SIPA1L1: variants seen among roughly 807,000 people sequenced by gnomAD.
SIPA1L1 encodes the protein signal-induced proliferation-associated 1-like protein 1.
Under a neutral mutation model 162.7 loss-of-function variants are expected in SIPA1L1, and 26 were observed. The ratio of observed to expected loss-of-function variants is 0.16; its 90% CI spans 0.12 to 0.22. SIPA1L1 has a LOEUF of 0.22. SIPA1L1 is among the 10% of genes least tolerant of loss of function. SIPA1L1 has a pLI of 1.00. For synonymous variants in SIPA1L1, 829 were observed against 837.4 expected (o/e 0.99, Z 0.17); for missense variants, 1,874 against 2,241.0 (o/e 0.84, Z 3.31).
At chr14:71,608,729 T>C (rs2037828174) in intron 5 of SIPA1L1, among the ~76,000 whole-genome samples, 1 of 152,040 alleles carries the variant, frequency 6.6e-6, no homozygotes, top group Non-Finnish European at 1.5e-5. Flanking sequence ...ACCCCGTCTC[T>C]ACTAAAAATA....
In SIPA1L1 at chr14:71,361,408, T is replaced by C. The variant is rs576542828; in HGVS notation, c.-465+40227T>C. ...GATATGCTTAGTGCTTCCATACATA[T>C]ACTTTCTAAAATTCACATTTACAAA... is the stretch of plus-strand genomic sequence containing the variant. On this transcript the variant is annotated intron_variant, in intron 2 of 23. Transcript: ENST00000381232. Among the ~76,000 whole-genome samples the C allele has an allele frequency of 2.3e-3, 350 of 152,342 alleles. 2 individuals are homozygous for C. The highest frequency in any genetic ancestry group is 0.017 in the Middle Eastern group (5 of 294).
intron 7 of SIPA1L1, among the ~76,000 whole-genome samples, chr14:71,649,189 A>ATTTTTT (rs576399247): frequency 7.6e-6 from 1 of 131,152 alleles, no homozygotes; most frequent in African/African-American, 2.9e-5. Flanking sequence ...TCAAAGTCCA[A>ATTTTTT]TTTTTTTTTT....
chr14:71,581,261 G>A (rs2033888222), intron 4 of SIPA1L1, among the ~76,000 whole-genome samples: 1 of 152,066 alleles, frequency 6.6e-6, no homozygotes, highest in Non-Finnish European at 1.5e-5. Context: ...AAACTCCTGG[G>A]CTTAAGAAAC....
At chr14:71,431,458 TG>T (rs2043979855) in intron 2 of SIPA1L1, among the ~76,000 whole-genome samples, 1 of 152,110 alleles carries the variant, frequency 6.6e-6, no homozygotes, top group Non-Finnish European at 1.5e-5. Context: ...CTTGGGAGGC[TG>T]AGGCAGGAGA....
intron 2 of SIPA1L1, among the ~76,000 whole-genome samples, chr14:71,497,125 C>T (rs533542034): frequency 1.9e-4 from 29 of 152,076 alleles, no homozygotes; most frequent in Non-Finnish European, 2.2e-4. Flanking sequence ...GCTGAGATCA[C>T]GCCACTGCAC....
intron 7 of SIPA1L1, among the ~76,000 whole-genome samples, chr14:71,649,338 T>C (rs1462776192): frequency 1.3e-5 from 2 of 151,916 alleles, no homozygotes. Context: ...ACTACAAGTG[T>C]GCACCACCAC....
At chr14:71,457,787 G>A (rs767094165) in intron 2 of SIPA1L1, among the ~76,000 whole-genome samples, 12 of 150,876 alleles carry the variant, frequency 8.0e-5, no homozygotes, top group African/African-American at 9.8e-5. Context: ...GTAGAGATGG[G>A]GGTTTCACCA....
rs763248348 is a variant in SIPA1L1, at chr14:71,588,499, A to G, written c.627A>G (p.Thr209=). Reference sequence around the variant, plus strand: ...CACTGCACAGGGAATATGGTAGCACATCTTCAATTGATAAACAGGGAACAT... The same window carrying G: ...CACTGCACAGGGAATATGGTAGCACGTCTTCAATTGATAAACAGGGAACAT... The part of the protein sequence containing the change: ...GPSLHREYGS[T]SSIDKQGTSG... The change falls in exon 5 of 24, where the codon ACA becomes ACG. Residue 209 remains threonine, a synonymous_variant. Transcript: ENST00000381232. This position sits in a 1 kb window ranked among gnomAD's most constrained non-coding sequence, Gnocchi z 4.3. The G allele has an allele frequency of 3.1e-6, 5 of 1,614,170 alleles. No homozygotes were observed. The highest frequency in any genetic ancestry group is 3.3e-5 in the Admixed American group (2 of 60,026).
chr14:71,683,168 A>G (rs941876278), intron 12 of SIPA1L1, among the ~76,000 whole-genome samples: 14 of 152,232 alleles, frequency 9.2e-5, no homozygotes, highest in Non-Finnish European at 1.9e-4. Context: ...AGAAAGAGAA[A>G]GTAGTTGTAC....
chr14:71,636,990 G>A (rs550757165), intron 7 of SIPA1L1, among the ~76,000 whole-genome samples: 10 of 150,590 alleles, frequency 6.6e-5, no homozygotes, highest in Non-Finnish European at 1.2e-4. Context: ...GGCAGGGGTC[G>A]CAGTGAGCTG....
chr14:71,529,519 G>A lies in SIPA1L1; in HGVS notation c.-303+149G>A, dbSNP rs1376357972. 2.3e-5 allele frequency: 12 copies of A among 518,830 alleles called. No homozygotes were observed. The East Asian group carries it at 3.5e-4, about 15-fold the overall frequency. 32.1% of individuals were successfully genotyped at this position (518,830 alleles called of 1,614,324 possible). A position where few individuals can be genotyped will look rare whatever the true frequency, so the allele number is the denominator to read the frequency against. ...AAAGAGATGAAGTCGTTTGTCATCT[G>A]CTTTTTGAATCTATAGCTTTATATA... On this transcript the variant is annotated intron_variant, in intron 4 of 23. Transcript: ENST00000381232.
intron 13 of SIPA1L1, among the ~76,000 whole-genome samples, chr14:71,691,056 C>T (rs1037884006): frequency 3.3e-5 from 5 of 152,216 alleles, no homozygotes; most frequent in Non-Finnish European, 7.3e-5. Context: ...TTATCAACTT[C>T]CCCTCAGCAC....
At chr14:71,340,060 T>C (rs2035488610) in intron 2 of SIPA1L1, among the ~76,000 whole-genome samples, 1 of 152,248 alleles carries the variant, frequency 6.6e-6, no homozygotes, top group South Asian at 2.1e-4. Context: ...TGTCTGCTTA[T>C]AATAGGTAGC....
chr14:71,724,188 C>G (rs2150223987), intron 18 of SIPA1L1, among the ~76,000 whole-genome samples: 1 of 152,264 alleles, frequency 6.6e-6, no homozygotes, highest in African/African-American at 2.4e-5. Context: ...CCATACTAGT[C>G]CCTTTGATTA....
At chr14:71,329,326 C>G (rs960690382) in intron 2 of SIPA1L1, among the ~76,000 whole-genome samples, 1 of 151,744 alleles carries the variant, frequency 6.6e-6, no homozygotes, top group African/African-American at 2.4e-5. Flanking sequence ...TGAGGAACCT[C>G]CATACTGTTT....
intron 2 of SIPA1L1, among the ~76,000 whole-genome samples, chr14:71,342,001 C>T (rs1179317614): frequency 6.6e-6 from 1 of 151,910 alleles, no homozygotes; most frequent in Non-Finnish European, 1.5e-5. Flanking sequence ...GAATGACTTG[C>T]TCTTCTCTTC....
intron 7 of SIPA1L1, among the ~76,000 whole-genome samples, chr14:71,645,784 G>T (rs542433976): frequency 6.6e-6 from 1 of 152,304 alleles, no homozygotes; most frequent in East Asian, 1.9e-4. Flanking sequence ...ACTCTTAATA[G>T]TGTTTTGAAG....
chr14:71,365,938 C>T (rs143124641), intron 2 of SIPA1L1, among the ~76,000 whole-genome samples: 207 of 143,762 alleles, frequency 1.4e-3, no homozygotes, highest in Non-Finnish European at 2.5e-3. Flanking sequence ...CTTGCCCAGG[C>T]TGGTCTTGAA....
At chr14:71,532,363 T>C (rs2053527494) in intron 4 of SIPA1L1, among the ~76,000 whole-genome samples, 2 of 152,236 alleles carry the variant, frequency 1.3e-5, no homozygotes, top group African/African-American at 2.4e-5. Context: ...TTCTTTCTTA[T>C]ATATGAAAGG....
Sources: allele counts gnomAD v4.1 joint callset (sites outside exome capture counted in the v4.1 genomes callset), GRCh38; gene constraint gnomAD v4.1.1; non-coding constraint Gnocchi (gnomAD v3.1); transcripts MANE v1.5; gene names NCBI Gene and HGNC (gene_info 2026-07-23, HGNC 2026-07-21).